Variants in SHANK2 observed in about 807,000 individuals in gnomAD.
SHANK2 encodes SH3 and multiple ankyrin repeat domains 2.
In SHANK2, 43 loss-of-function variants were observed where a neutral mutation model predicts 133.7. That is an observed-to-expected ratio of 0.32 (90% CI 0.25 to 0.41). The LOEUF is 0.41. Among genes scored for constraint, SHANK2 ranks in the 10% least tolerant of loss-of-function variants. SHANK2 has a pLI of 1.00. For synonymous variants in SHANK2, 1,017 were observed against 952.8 expected (o/e 1.07, Z -1.24); for missense variants, 1,994 against 2,235.8 (o/e 0.89, Z 2.18).
At chr11:71,160,966 A>G (rs1379673712) in intron 2 of SHANK2, among the ~76,000 whole-genome samples, 5 of 152,388 alleles carry the variant, frequency 3.3e-5, no homozygotes, top group African/African-American at 1.2e-4. Flanking sequence ...CTAAGTTTGC[A>G]GACAGCCTTC....
intron 10 of SHANK2, among the ~76,000 whole-genome samples, chr11:70,954,804 TCTC>T (rs1950893661): frequency 6.6e-6 from 1 of 152,210 alleles, no homozygotes; most frequent in South Asian, 2.1e-4. Context: ...CTTCGGCCTT[TCTC>T]CTCCTTCTAT....
intron 11 of SHANK2, among the ~76,000 whole-genome samples, chr11:70,823,472 C>T (rs1948581501): frequency 7.5e-6 from 1 of 134,050 alleles, no homozygotes. Flanking sequence ...GTGGCGTTGG[C>T]AGAGTTCACG....
intron 17 of SHANK2, among the ~76,000 whole-genome samples, chr11:70,567,646 A>T (rs2059984706): frequency 6.6e-6 from 1 of 152,062 alleles, no homozygotes; most frequent in African/African-American, 2.4e-5. Context: ...AAAAAAAAAA[A>T]AGAACTGGAG....
intron 1 of SHANK2, among the ~76,000 whole-genome samples, chr11:71,250,867 ACCGGGGGACTT>A (rs1353951409): frequency 6.6e-6 from 1 of 151,960 alleles, no homozygotes; most frequent in Non-Finnish European, 1.5e-5. Context: ...GCCCTCCCCC[ACCGGGGGACTT>A]CCGAAATTAC....
rs142427664 is a variant in SHANK2 at position 70,483,357 on chromosome 11, G to A, written c.4979+1957C>T. On this transcript the variant is annotated intron_variant, in intron 25 of 25. Transcript: ENST00000601538. ...TATTGCTTCCACATAGAGTAATGAC[G>A]GAAGAGCCACATTAGTATGTAATGG... is the stretch of plus-strand genomic sequence containing the variant. Among the ~76,000 whole-genome samples, 9 of 152,082 alleles carry A rather than the reference G, an allele frequency of 5.9e-5. 1 individual carries two copies. In the East Asian group the frequency reaches 1.4e-3, roughly 23 times the overall value.
intron 4 of SHANK2, among the ~76,000 whole-genome samples, chr11:71,114,916 G>A (rs1291385403): frequency 1.3e-5 from 2 of 152,116 alleles, no homozygotes; most frequent in Non-Finnish European, 2.9e-5. Flanking sequence ...TGGGGCAGGA[G>A]GGTAAAGGAC....
chr11:70,624,586 C>T (rs1554999218), intron 17 of SHANK2, among the ~76,000 whole-genome samples: 1 of 149,282 alleles, frequency 6.7e-6, no homozygotes, highest in Non-Finnish European at 1.5e-5. Flanking sequence ...GGCAGCAGTC[C>T]TCAGCCAGGG....
At chr11:70,744,964 T>C (rs976974745) in intron 14 of SHANK2, among the ~76,000 whole-genome samples, 4 of 152,052 alleles carry the variant, frequency 2.6e-5, no homozygotes, top group South Asian at 2.1e-4. Context: ...GAAGTGAGAG[T>C]GAAGGCACAA....
chr11:71,158,825 G>T (rs1315923591), intron 2 of SHANK2, among the ~76,000 whole-genome samples: 1 of 152,192 alleles, frequency 6.6e-6, no homozygotes, highest in African/African-American at 2.4e-5. Flanking sequence ...CATATGTGTT[G>T]GGGGAAAGAG....
chr11:70,657,314 T>A (rs1335471034), intron 17 of SHANK2, among the ~76,000 whole-genome samples: 1 of 152,146 alleles, frequency 6.6e-6, no homozygotes, highest in Non-Finnish European at 1.5e-5. Context: ...ACGTGAGACA[T>A]GTGAGGCTAT....
chr11:70,789,882 G>C lies in SHANK2; in HGVS notation c.1777+8561C>G, dbSNP rs147123298. The stretch of plus-strand genomic sequence containing the variant: ...ATGTTCTACATGAATGGTGCTCACT[G>C]ATAGTCAAGTCTTTTGTTTGTTTCA... On this transcript the variant is annotated intron_variant, in intron 14 of 25. Coordinates refer to ENST00000601538, the MANE Select transcript of SHANK2 (RefSeq NM_012309.5). Among the ~76,000 whole-genome samples the C allele has an allele frequency of 2.4e-3, 369 of 152,320 alleles. 1 individual carries two copies. Among genetic ancestry groups the C allele is most frequent in the African/African-American group, 8.3e-3 (346 of 41,566 alleles).
In SHANK2 at chr11:70,955,086, T is replaced by A. The variant is rs376529894; in HGVS notation, c.1108-58519A>T. Among the ~76,000 whole-genome samples, 29 of 152,342 alleles carry A rather than the reference T, an allele frequency of 1.9e-4. 1 individual carries two copies. Among genetic ancestry groups the A allele is most frequent in the African/African-American group, 7.0e-4 (29 of 41,578 alleles). On this transcript the variant is annotated intron_variant, in intron 10 of 25. Coordinates refer to ENST00000601538, the MANE Select transcript of SHANK2 (RefSeq NM_012309.5). ...TCGTTTCCCTCCCATTTCATCCTTGTCCTTCCCTGCCCATATTAAATTTGG... is the reference window on the plus strand; with the variant it reads ...TCGTTTCCCTCCCATTTCATCCTTGACCTTCCCTGCCCATATTAAATTTGG...
At chr11:70,694,864 C>T (rs1175911561) in intron 15 of SHANK2, among the ~76,000 whole-genome samples, 2 of 152,156 alleles carry the variant, frequency 1.3e-5, no homozygotes, top group African/African-American at 4.8e-5. Flanking sequence ...TCTCTGCCTG[C>T]ACTGCCCACC....
At chr11:70,937,779 T>C (rs1019243342) in intron 10 of SHANK2, among the ~76,000 whole-genome samples, 10 of 152,138 alleles carry the variant, frequency 6.6e-5, no homozygotes, top group African/African-American at 2.4e-4. Flanking sequence ...TGTCCCTGTT[T>C]ACTCAGGAAC....
chr11:71,125,459 G>T (rs763746015), intron 3 of SHANK2, among the ~76,000 whole-genome samples: 2 of 152,226 alleles, frequency 1.3e-5, no homozygotes, highest in Non-Finnish European at 2.9e-5. Context: ...TGATGATCAA[G>T]ACGGTCACAA....
At chr11:70,907,876 C>A (rs1206561746) in intron 10 of SHANK2, 7 of 454,218 alleles carry the variant, frequency 1.5e-5, no homozygotes, top group African/African-American at 1.0e-4. Context: ...TAGAGGCAGG[C>A]AGATCACTTA....
At chr11:70,873,674 G>C (rs1949508183) in intron 11 of SHANK2, among the ~76,000 whole-genome samples, 2 of 152,154 alleles carry the variant, frequency 1.3e-5, no homozygotes, top group Admixed American at 1.3e-4. Flanking sequence ...AATCCACCCT[G>C]CTCACTCTGC....
At chr11:70,577,360 G>C (rs191022843) in intron 17 of SHANK2, among the ~76,000 whole-genome samples, 1 of 152,192 alleles carries the variant, frequency 6.6e-6, no homozygotes, top group Admixed American at 6.5e-5. Context: ...CCGTGGCCAC[G>C]CCTGTCTCCT....
At chr11:70,935,879 G>T (rs1288309235) in intron 10 of SHANK2, among the ~76,000 whole-genome samples, 1 of 152,152 alleles carries the variant, frequency 6.6e-6, no homozygotes, top group Non-Finnish European at 1.5e-5. Context: ...CCCCCGCAAA[G>T]GTGAACCATT....
Sources: allele counts gnomAD v4.1 joint callset (sites outside exome capture counted in the v4.1 genomes callset), GRCh38; gene constraint gnomAD v4.1.1; transcripts MANE v1.5; gene names NCBI Gene and HGNC (gene_info 2026-07-23, HGNC 2026-07-21).